The following FARP1 variants were observed in gnomAD, a reference collection of about 807,000 sequenced individuals.
FARP1 encodes the protein FERM, ARHGEF and pleckstrin domain-containing protein 1.
In FARP1, 52 loss-of-function variants were observed where a neutral mutation model predicts 128.8. The observed-to-expected ratio is 0.40, with a 90% CI of 0.32 to 0.51. The LOEUF is 0.51. Ranked by LOEUF, FARP1 falls within the 20% of genes least tolerant of loss-of-function variation. The pLI is 0.45. For synonymous variants in FARP1, 580 were observed against 551.8 expected, an observed-to-expected ratio of 1.05 and a Z score of -0.72; for missense variants, 1,333 against 1,367.9, an observed-to-expected ratio of 0.97 and a Z score of 0.40.
intron 18 of FARP1, chr13:98,433,182 C>T (rs1282203768): frequency 2.0e-5 from 3 of 152,138 alleles, no homozygotes; most frequent in Non-Finnish European, 4.4e-5. Flanking sequence ...CCCCATGGAC[C>T]CCGCAAAGCC....
chr13:98,276,941 T>C (rs1296879610), intron 2 of FARP1, among the ~76,000 whole-genome samples: 16 of 152,334 alleles, frequency 1.1e-4, no homozygotes, highest in Admixed American at 1.0e-3. Flanking sequence ...TTATTTGCTA[T>C]TCTGTTCTTA....
intron 8 of FARP1, 38 bp from the exon 9 acceptor site, chr13:98,388,345 T>G: frequency 6.7e-7 from 1 of 1,501,356 alleles, no homozygotes; most frequent in Non-Finnish European, 9.3e-7. Context: ...TTGCTTGTTA[T>G]GCATTTCCTG....
chr13:98,226,006 GTT>G (rs200088616), intron 2 of FARP1, among the ~76,000 whole-genome samples: 1 of 151,758 alleles, frequency 6.6e-6, no homozygotes, highest in Non-Finnish European at 1.5e-5. Context: ...TTAGTTGTCC[GTT>G]TTTCCAGGCT....
chr13:98,176,138 G>A lies in FARP1; in HGVS notation c.-24+32646G>A, dbSNP rs1229380987. The A allele has an allele frequency of 6.3e-7, 1 of 1,597,052 alleles. No homozygotes were observed. The highest frequency in any genetic ancestry group is 1.7e-5 in the Admixed American group (1 of 59,740). On this transcript the variant is annotated intron_variant, in intron 1 of 26. Coordinates refer to ENST00000319562, the MANE Select transcript of FARP1 (RefSeq NM_005766.4). The surrounding 1 kb of genome is among the most constrained non-coding windows in gnomAD (Gnocchi z 6.2). ...TTACTCAACAGGCTGCTTCTCCCCAGTGTACATACAGACTTGAGTCTTTCT... is the reference window on the plus strand; with the variant it reads ...TTACTCAACAGGCTGCTTCTCCCCAATGTACATACAGACTTGAGTCTTTCT...
chr13:98,274,414 T>TGAGG (rs1491309499), intron 2 of FARP1, among the ~76,000 whole-genome samples: 1 of 152,102 alleles, frequency 6.6e-6, no homozygotes, highest in South Asian at 2.1e-4. Flanking sequence ...CAGAAGAGAC[T>TGAGG]GAGGGAGGAA....
intron 3 of FARP1, among the ~76,000 whole-genome samples, chr13:98,354,349 T>G (rs1191145348): frequency 6.6e-6 from 1 of 152,148 alleles, no homozygotes; most frequent in Non-Finnish European, 1.5e-5. Flanking sequence ...ATTAGTGTTG[T>G]CAAAAAGGGA....
intron 14 of FARP1, 75 bp downstream of exon 14, chr13:98,409,600 T>A: frequency 7.4e-7 from 1 of 1,343,964 alleles, no homozygotes; most frequent in Non-Finnish European, 1.0e-6. Flanking sequence ...AAAATTGTAC[T>A]AAAATATACA....
Position 98,176,979 on chromosome 13 carries a change from C to G in FARP1, c.-24+33487C>G. 1 of 1,599,974 alleles carries G rather than the reference C, an allele frequency of 6.3e-7. No homozygotes were observed. The highest frequency in any genetic ancestry group is 8.5e-7 in the Non-Finnish European group (1 of 1,179,668). ...TGTACACCACGTCGAGGCTCTCAGG[C>G]GCCGCCTCCTCGCCCCTCCTGTCGC... On this transcript the variant is annotated intron_variant, in intron 1 of 26. Transcript: ENST00000319562. This position sits in a 1 kb window ranked among gnomAD's most constrained non-coding sequence, Gnocchi z 6.2.
chr13:98,242,154 T>G (rs1882806627), intron 2 of FARP1, among the ~76,000 whole-genome samples: 2 of 152,112 alleles, frequency 1.3e-5, no homozygotes, highest in Admixed American at 1.3e-4. Flanking sequence ...ACAACCTATG[T>G]TTAGATGGAC....
chr13:98,219,000 C>T (rs752400450), intron 2 of FARP1, among the ~76,000 whole-genome samples: 2 of 152,166 alleles, frequency 1.3e-5, no homozygotes, highest in African/African-American at 4.8e-5. Context: ...CAAATTCAGT[C>T]CCATACATGA....
At chr13:98,221,329 C>T (rs530646726) in intron 2 of FARP1, among the ~76,000 whole-genome samples, 7 of 152,132 alleles carry the variant, frequency 4.6e-5, no homozygotes, top group Non-Finnish European at 7.3e-5. Flanking sequence ...GAAAAGAAAG[C>T]GAATGAAAGC....
chr13:98,241,058 G>A (rs575250845), intron 2 of FARP1, among the ~76,000 whole-genome samples: 8 of 152,340 alleles, frequency 5.3e-5, no homozygotes, highest in Admixed American at 2.0e-4. Context: ...CATGGCAGTC[G>A]AAGAAGAGAG....
chr13:98,246,244 C>T (rs1022760855), intron 2 of FARP1, among the ~76,000 whole-genome samples: 3 of 150,484 alleles, frequency 2.0e-5, no homozygotes, highest in Non-Finnish European at 3.0e-5. Context: ...TACAGGCGCC[C>T]GCCACCTCGC....
At chr13:98,257,401 T>C (rs1179351881) in intron 2 of FARP1, among the ~76,000 whole-genome samples, 2 of 152,190 alleles carry the variant, frequency 1.3e-5, no homozygotes, top group Admixed American at 6.5e-5. Flanking sequence ...CTCGTCTGTT[T>C]TGTTACCTTC....
intron 1 of FARP1, among the ~76,000 whole-genome samples, chr13:98,189,113 G>A (rs1879070406): frequency 6.6e-6 from 1 of 152,178 alleles, no homozygotes; most frequent in African/African-American, 2.4e-5. Context: ...TGCCTGATGG[G>A]TGCTGGCCTG....
rs767823502 is a variant in FARP1, at chr13:98,453,202, G to C, written c.*4885G>C. ...TGGGATGAAGTTCCTCCACCACTTA[G>C]AGAGTATCTAGGGAAAAAGAGAGAG... On this transcript the variant is annotated 3_prime_UTR_variant, in exon 27 of 27. Coordinates refer to ENST00000319562, the MANE Select transcript of FARP1 (RefSeq NM_005766.4). 18 of 1,613,284 alleles carry C rather than the reference G, an allele frequency of 1.1e-5. No individual in the cohort carries two copies. The highest frequency in any genetic ancestry group is 1.5e-5 in the Non-Finnish European group (18 of 1,179,752).
chr13:98,274,284 G>A (rs1255082978), intron 2 of FARP1, among the ~76,000 whole-genome samples: 2 of 152,136 alleles, frequency 1.3e-5, no homozygotes, highest in African/African-American at 2.4e-5. Context: ...CTTTGTTGGC[G>A]CACAGGGCCA....
chr13:98,262,376 A>C (rs761011360), intron 2 of FARP1, among the ~76,000 whole-genome samples: 1 of 151,926 alleles, frequency 6.6e-6, no homozygotes, highest in Non-Finnish European at 1.5e-5. Context: ...CCAGACATGT[A>C]ATGTACAACA....
chr13:98,295,103 A>G lies in FARP1; in HGVS notation c.172-48659A>G, dbSNP rs1279780301. On this transcript the variant is annotated intron_variant, in intron 2 of 26. Coordinates refer to ENST00000319562, the MANE Select transcript of FARP1 (RefSeq NM_005766.4). ...CACACACACACACACACACACACAC[A>G]CATATATCCCCAGGCATTATTTATT... 1.0e-3 allele frequency among the ~76,000 whole-genome samples: 26 copies of G among 25,192 alleles called. No homozygotes were observed. In the East Asian group the frequency reaches 0.033, roughly 32 times the overall value. 16.5% of individuals were successfully genotyped at this position (25,192 alleles called of 152,430 possible).
Sources: gnomAD v4.1 joint callset for allele counts (sites outside exome capture counted in the v4.1 genomes callset) on GRCh38, gnomAD v4.1.1 for gene constraint, Gnocchi (gnomAD v3.1) non-coding constraint, MANE v1.5 for transcripts, NCBI Gene and HGNC (gene_info 2026-07-23, HGNC 2026-07-21) for gene names.